The following VPS13B variants were observed in gnomAD, a reference collection of about 807,000 sequenced individuals.
VPS13B encodes the protein vacuolar protein sorting 13 homolog B.
In VPS13B, 285 loss-of-function variants were observed where a neutral mutation model predicts 426.4. That is an observed-to-expected ratio of 0.67 (90% CI 0.61 to 0.74). VPS13B has a LOEUF of 0.74. Among genes scored for constraint, VPS13B ranks in the 30% least tolerant of loss-of-function variants. The pLI, the probability that VPS13B is intolerant of heterozygous loss-of-function variation, is 0.00. For missense variants in VPS13B, 4,537 were observed against 4,782.6 expected (o/e 0.95, Z 1.51); for synonymous variants, 1,676 against 1,676.4 (o/e 1.00, Z 0.01).
intron 40 of VPS13B, among the ~76,000 whole-genome samples, chr8:99,767,493 CAAAAAAAAAAAAAAAA>C (rs869220303): frequency 3.0e-5 from 1 of 33,318 alleles, no homozygotes; most frequent in Non-Finnish European, 5.6e-5. Context: ...GCAACTCTCT[CAAAAAAAAAAAAAAAA>C]AAAAAAAAAG....
At chr8:99,501,016 T>C (rs970911488) in intron 25 of VPS13B, among the ~76,000 whole-genome samples, 1 of 152,216 alleles carries the variant, frequency 6.6e-6, no homozygotes, top group African/African-American at 2.4e-5. Flanking sequence ...AAGCTTATGC[T>C]CTATTCCACT....
chr8:99,264,041 TTCTTGGAGTTAATAACTG>T (rs1818179570), intron 17 of VPS13B, among the ~76,000 whole-genome samples: 1 of 152,190 alleles, frequency 6.6e-6, no homozygotes. Context: ...AAAACTTGTA[TTCTTGGAGTTAATAACTG>T]TCTTGGAGTT....
intron 17 of VPS13B, among the ~76,000 whole-genome samples, chr8:99,248,356 T>G (rs942956028): frequency 6.6e-6 from 1 of 152,172 alleles, no homozygotes; most frequent in Admixed American, 6.5e-5. Context: ...GAAATATATA[T>G]ATCTGCATTT....
chr8:99,472,417 A>G (rs1819462587), intron 24 of VPS13B, among the ~76,000 whole-genome samples: 1 of 151,942 alleles, frequency 6.6e-6, no homozygotes, highest in Non-Finnish European at 1.5e-5. Context: ...AGCTAGAAAA[A>G]CTTTAAATAT....
chr8:99,444,484 C>G (rs575788770), intron 23 of VPS13B, among the ~76,000 whole-genome samples: 178 of 152,168 alleles, frequency 1.2e-3, no homozygotes, highest in African/African-American at 4.0e-3. Flanking sequence ...AAATACACAT[C>G]TTAATATTTA....
chr8:99,528,825 T>G (rs1435917388), intron 30 of VPS13B, among the ~76,000 whole-genome samples: 1 of 152,128 alleles, frequency 6.6e-6, no homozygotes, highest in Non-Finnish European at 1.5e-5. Context: ...ATAAAGAGAA[T>G]AGAAATATCA....
At chr8:99,804,816 A>C (rs1350125368) in intron 43 of VPS13B, among the ~76,000 whole-genome samples, 1 of 151,974 alleles carries the variant, frequency 6.6e-6, no homozygotes, top group Non-Finnish European at 1.5e-5. Context: ...AAATAACAAG[A>C]CCTCATCTTT....
At chr8:99,085,953 C>A (rs752238300) in intron 3 of VPS13B, among the ~76,000 whole-genome samples, 2 of 152,082 alleles carry the variant, frequency 1.3e-5, no homozygotes, top group Non-Finnish European at 2.9e-5. Flanking sequence ...TTGCTCTTCT[C>A]GAGGAGTATC....
chr8:99,391,709 G>A lies in VPS13B; in HGVS notation c.3082+5G>A, dbSNP rs753290752. The A allele has an allele frequency of 2.5e-5, 40 of 1,613,790 alleles. No individual in the cohort carries two copies. The highest frequency in any genetic ancestry group is 3.1e-5 in the Non-Finnish European group (37 of 1,179,898). On this transcript the variant is annotated splice_donor_5th_base_variant and intron_variant, in intron 21 of 61. Coordinates refer to ENST00000357162, the MANE Select transcript of VPS13B (RefSeq NM_152564.5). ...TAAAAACAAAAACGGTAACAGGTAT[G>A]TGTCAAGTACTGTAAAGGGACTATG...
At chr8:99,772,875 G>GGACAGA (rs1811578976) in intron 40 of VPS13B, among the ~76,000 whole-genome samples, 1 of 152,106 alleles carries the variant, frequency 6.6e-6, no homozygotes, top group African/African-American at 2.4e-5. Flanking sequence ...CTCACGGGAT[G>GGACAGA]GACAGAGCAG....
chr8:99,175,925 A>G (rs1476424896), intron 16 of VPS13B, among the ~76,000 whole-genome samples: 1 of 152,214 alleles, frequency 6.6e-6, no homozygotes, highest in African/African-American at 2.4e-5. Context: ...GTGTACTACT[A>G]TAATAATTTC....
intron 23 of VPS13B, among the ~76,000 whole-genome samples, chr8:99,450,960 G>A (rs1818168099): frequency 1.3e-5 from 2 of 151,916 alleles, no homozygotes; most frequent in Admixed American, 1.3e-4. Context: ...TTGGTATATT[G>A]CATCTGTTAA....
At position 99,627,490 on chromosome 8, in the gene VPS13B, A is replaced by C. The variant is rs370020057; in HGVS notation, c.5221-14321A>C. ...GAGGGCAGTGGTGCAATCTCAGCTCACTGCAACCTCCACCTCCCAAGTAGC... is the reference window on the plus strand; with the variant it reads ...GAGGGCAGTGGTGCAATCTCAGCTCCCTGCAACCTCCACCTCCCAAGTAGC... On this transcript the variant is annotated intron_variant, in intron 33 of 61. Transcript: ENST00000357162. 5.9e-5 allele frequency among the ~76,000 whole-genome samples: 9 copies of C among 152,090 alleles called. 1 individual carries two copies. Among genetic ancestry groups the C allele is most frequent in the Admixed American group, 3.3e-4 (5 of 15,278 alleles).
intron 17 of VPS13B, among the ~76,000 whole-genome samples, chr8:99,201,716 G>C (rs1250508776): frequency 1.3e-5 from 2 of 152,144 alleles, no homozygotes; most frequent in Non-Finnish European, 2.9e-5. Flanking sequence ...GTGCTTGCTA[G>C]GGATTTGATT....
intron 39 of VPS13B, among the ~76,000 whole-genome samples, chr8:99,722,399 G>A (rs1198831767): frequency 5.9e-5 from 9 of 152,006 alleles, no homozygotes; most frequent in Admixed American, 5.2e-4. Flanking sequence ...CTGGTACATA[G>A]GTACACTCAC....
intron 17 of VPS13B, chr8:99,234,228 A>T (rs985629488): frequency 2.6e-6 from 2 of 774,834 alleles, no homozygotes; most frequent in African/African-American, 1.7e-5. Flanking sequence ...TAGCTCCTCC[A>T]TGGCTATTTT....
In VPS13B at chr8:99,192,982, AGT is replaced by A. The variant is rs1242602974; in HGVS notation, c.2441_2442del (p.Ser814MetfsTer14). ...QTLLLQAIYQ[S>X]WSHLGNVSSS... ...ACTTCTCTTGCAAGCAATATATCAA[AGT>A]TGGTCTCATCTTGGAAATGTCAGCT... On this transcript the variant is annotated frameshift_variant, in exon 17 of 62. Coordinates refer to ENST00000357162, the MANE Select transcript of VPS13B (RefSeq NM_152564.5). LOFTEE classifies it high-confidence loss of function. The A allele has an allele frequency of 4.3e-6, 7 of 1,613,652 alleles. No homozygotes were observed. Among genetic ancestry groups the A allele is most frequent in the Middle Eastern group, 3.3e-4 (2 of 6,078 alleles).
chr8:99,102,977 GA>G lies in VPS13B; in HGVS notation c.438del (p.Val147LeufsTer2). The G allele has an allele frequency of 6.2e-7, 1 of 1,609,784 alleles. No individual in the cohort carries two copies. Among genetic ancestry groups the G allele is most frequent in the Non-Finnish European group, 8.5e-7 (1 of 1,176,498 alleles). ...GGTTATGTGCAGAGTCTGATTAGAC[GA>G]GTTGTAAATAATGTAAACATTGTGA... The part of the protein sequence containing the change: ...PPGYVQSLIR[R>X]VVNNVNIVIN... On this transcript the variant is annotated frameshift_variant, in exon 5 of 62. Coordinates refer to ENST00000357162, the MANE Select transcript of VPS13B (RefSeq NM_152564.5). LOFTEE classifies it high-confidence loss of function.
At chr8:99,175,681 C>T (rs183170640) in intron 16 of VPS13B, among the ~76,000 whole-genome samples, 100 of 152,148 alleles carry the variant, frequency 6.6e-4, no homozygotes, top group African/African-American at 2.2e-3. Flanking sequence ...CACTTGCGCT[C>T]GGGAGATTGA....
Sources: gnomAD v4.1 joint callset for allele counts (sites outside exome capture counted in the v4.1 genomes callset) on GRCh38, gnomAD v4.1.1 for gene constraint, MANE v1.5 for transcripts, NCBI Gene and HGNC (gene_info 2026-07-23, HGNC 2026-07-21) for gene names.